Variants in HPCAL4 observed in about 807,000 individuals in gnomAD.
The protein encoded by HPCAL4 is hippocalcin like 4.
HPCAL4 carries 16 observed loss-of-function variants against 18.2 expected under a neutral mutation model. The observed-to-expected ratio is 0.88, with a 90% CI of 0.59 to 1.33. HPCAL4 has a LOEUF of 1.33. Among genes scored for constraint, HPCAL4 ranks in the 40% most tolerant of loss-of-function variants. HPCAL4 has a pLI of 0.00. For synonymous variants in HPCAL4, 80 were observed against 97.5 expected, an observed-to-expected ratio of 0.82 and a Z score of 1.06; for missense variants, 214 against 256.6, an observed-to-expected ratio of 0.83 and a Z score of 1.14.
intron 2 of HPCAL4, 75 bp from the exon 3 acceptor site, chr1:39,684,227 G>GCACCCCGGGTCCCTCGCCTCCTCC: frequency 9.2e-7 from 1 of 1,091,976 alleles, no homozygotes; most frequent in Non-Finnish European, 1.2e-6. Flanking sequence ...AACCTCCCCT[G>GCACCCCGGGTCCCTCGCCTCCTCC]CACCCCGGGT....
At position 39,685,015 on chromosome 1, in the gene HPCAL4, G is replaced by A. The variant is rs533568841; in HGVS notation, c.-8-404C>T. On this transcript the variant is annotated intron_variant, in intron 1 of 3. Transcript: ENST00000372844. ...AGAAGGGACCCAAGGTAGGTTCCTT[G>A]TGTGTCCCCTTGGCACTGTCTCCCA... Among the ~76,000 whole-genome samples the A allele has an allele frequency of 2.0e-5, 3 of 152,352 alleles. No individual in the cohort carries two copies. The South Asian group carries it at 6.2e-4, about 32-fold the overall frequency.
At position 39,684,107 on chromosome 1, in the gene HPCAL4, G is replaced by A. The variant is rs1490937368; in HGVS notation, c.208C>T (p.Arg70Cys). 6 of 1,613,778 alleles carry A rather than the reference G, an allele frequency of 3.7e-6. No homozygotes were observed. Among genetic ancestry groups the A allele is most frequent in the Non-Finnish European group, 4.2e-6 (5 of 1,179,882 alleles). ...CCGTCGCCGTTCTTGTCGAAGGTGC[G>A]GAAAGCGTGCTGCGCGAACTTGGAG... is the stretch of plus-strand genomic sequence containing the variant. ...DASKFAQHAFRTFDKNGDGTI... is the reference protein window; with the variant it reads ...DASKFAQHAFCTFDKNGDGTI... Residue 70 changes from arginine (R) to cysteine (C), a missense_variant, in exon 3 of 4, where the codon CGC becomes TGC. By Grantham distance (180) the Arg-to-Cys change is radical. Transcript: ENST00000372844.
rs114842120 is a variant in HPCAL4 at position 39,682,849 on chromosome 1, G to A, written c.379-116C>T. 6.6e-4 allele frequency: 473 copies of A among 718,240 alleles called. No individual in the cohort carries two copies. In the African/African-American group the frequency reaches 7.3e-3, roughly 11 times the overall value. 44.5% of individuals were successfully genotyped at this position (718,240 alleles called of 1,614,324 possible). ...TGGGGGTTGGTGAGGATACTGGAAGGTATATGTGGTCATTAAGACTGGATA... is the reference window on the plus strand; with the variant it reads ...TGGGGGTTGGTGAGGATACTGGAAGATATATGTGGTCATTAAGACTGGATA... On this transcript the variant is annotated intron_variant, in intron 3 of 3. Coordinates refer to ENST00000372844, the MANE Select transcript of HPCAL4 (RefSeq NM_016257.4).
At chr1:39,691,062 C>A (rs1330752609) in intron 1 of HPCAL4, 1 of 152,804 alleles carries the variant, frequency 6.5e-6, no homozygotes, top group Non-Finnish European at 1.5e-5. Flanking sequence ...TGGTTGTTCT[C>A]ACCTGAGCTG....
chr1:39,679,957 T>G lies in HPCAL4; in HGVS notation c.*2579A>C, dbSNP rs1363622020. 2.0e-5 allele frequency: 3 copies of G among 152,604 alleles called. No homozygotes were observed. The highest frequency in any genetic ancestry group is 4.4e-5 in the Non-Finnish European group (3 of 68,034). The allele number at this position is 152,604 out of a possible 1,614,324, so 9.5% of individuals were successfully genotyped here. ...TTCTCTTAGTGAAGATGATGGTGGG[T>G]AAAGACAATGCAGGATGCTTCGAGG... On this transcript the variant is annotated 3_prime_UTR_variant, in exon 4 of 4. Transcript: ENST00000372844.
Position 39,684,125 on chromosome 1 carries a change from A to C in HPCAL4, c.190T>G (p.Phe64Val). ...AAGGTGCGGAAAGCGTGCTGCGCGA[A>C]CTTGGAGGCGTCGCCGTAGGGGAAG... Reference protein sequence around the residue: ...KFFPYGDASKFAQHAFRTFDK... With the variant: ...KFFPYGDASKVAQHAFRTFDK... Residue 64 changes from phenylalanine (F) to valine (V), a missense_variant, in exon 3 of 4, where the codon TTC (phenylalanine) becomes GTC (valine). By Grantham distance (50) the Phe-to-Val change is conservative. Coordinates refer to ENST00000372844, the MANE Select transcript of HPCAL4 (RefSeq NM_016257.4). The C allele has an allele frequency of 1.2e-6, 2 of 1,613,674 alleles. No individual in the cohort carries two copies. The highest frequency in any genetic ancestry group is 1.7e-6 in the Non-Finnish European group (2 of 1,179,768).
At chr1:39,686,409 G>A (rs1646675789) in intron 1 of HPCAL4, among the ~76,000 whole-genome samples, 1 of 152,176 alleles carries the variant, frequency 6.6e-6, no homozygotes, top group African/African-American at 2.4e-5. Flanking sequence ...CCTTTGGTGG[G>A]GGCAGGTAGG....
intron 3 of HPCAL4, 62 bp from the exon 4 acceptor site, chr1:39,682,795 G>T: frequency 7.6e-7 from 1 of 1,313,892 alleles, no homozygotes; most frequent in Non-Finnish European, 1.1e-6. Flanking sequence ...AGCAGCGGGT[G>T]AAGGAAAGGG....
rs1032632743 is a variant in HPCAL4 at position 39,682,010 on chromosome 1, A to C, written c.*526T>G. 1 of 162,020 alleles carries C rather than the reference A, an allele frequency of 6.2e-6. No homozygotes were observed. Among genetic ancestry groups the C allele is most frequent in the Non-Finnish European group, 1.4e-5 (1 of 73,602 alleles). The allele number at this position is 162,020 out of a possible 1,614,324, so 10.0% of individuals were successfully genotyped here. A position where few individuals can be genotyped will look rare whatever the true frequency, so the allele number is the denominator to read the frequency against. ...AATGACCATATCCTTAGCACCAAAC[A>C]GGTGCTCAGTAATCATTAGCTGAAG... On this transcript the variant is annotated 3_prime_UTR_variant, in exon 4 of 4. Transcript: ENST00000372844.
chr1:39,685,310 A>C (rs1646663787), intron 1 of HPCAL4, among the ~76,000 whole-genome samples: 1 of 152,218 alleles, frequency 6.6e-6, no homozygotes, highest in Admixed American at 6.6e-5. Context: ...ATTGGAGGGA[A>C]CAGACGCTCC....
chr1:39,684,907 C>T (rs1477671906), intron 1 of HPCAL4, among the ~76,000 whole-genome samples: 2 of 152,208 alleles, frequency 1.3e-5, no homozygotes, highest in Non-Finnish European at 2.9e-5. Flanking sequence ...CCCCTGCCCA[C>T]AGACTAAGGC....
At position 39,682,432 on chromosome 1, in the gene HPCAL4, G is replaced by A. The variant is rs992330078; in HGVS notation, c.*104C>T. 2 of 1,050,850 alleles carry A rather than the reference G, an allele frequency of 1.9e-6. No homozygotes were observed. Among genetic ancestry groups the A allele is most frequent in the South Asian group, 1.4e-5 (1 of 70,822 alleles). The allele number at this position is 1,050,850 out of a possible 1,614,324, so 65.1% of individuals were successfully genotyped here. On this transcript the variant is annotated 3_prime_UTR_variant, in exon 4 of 4. Coordinates refer to ENST00000372844, the MANE Select transcript of HPCAL4 (RefSeq NM_016257.4). Reference sequence around the variant, plus strand: ...GGCAGAGGACTGGGTGGGCCAGAGAGGGGGGCTGGAGTGTCCCTCCTCCTG... The same window carrying A: ...GGCAGAGGACTGGGTGGGCCAGAGAAGGGGGCTGGAGTGTCCCTCCTCCTG...
intron 3 of HPCAL4, 142 bp downstream of exon 3, chr1:39,683,795 G>T: frequency 1.4e-6 from 1 of 723,674 alleles, no homozygotes; most frequent in Non-Finnish European, 2.3e-6. Context: ...ATTTAGCCCG[G>T]GCCTGTAGCG....
intron 1 of HPCAL4, among the ~76,000 whole-genome samples, chr1:39,689,837 A>G (rs1265939813): frequency 1.3e-5 from 2 of 150,060 alleles, no homozygotes; most frequent in Admixed American, 6.6e-5. Flanking sequence ...CCATGGTGAC[A>G]ATAGCTCCCT....
chr1:39,689,703 A>G (rs1646702999), intron 1 of HPCAL4, among the ~76,000 whole-genome samples: 1 of 152,154 alleles, frequency 6.6e-6, no homozygotes, highest in South Asian at 2.1e-4. Flanking sequence ...AGGTTTCTTC[A>G]AGAGGGCTAA....
At chr1:39,691,234 T>TGGAGGG (rs1646715817) in intron 1 of HPCAL4, 72 bp downstream of exon 1, 1 of 149,366 alleles carries the variant, frequency 6.7e-6, no homozygotes, top group Admixed American at 6.6e-5. Context: ...GAAGGGAGAG[T>TGGAGGG]GGAGGGGGAG....
Position 39,678,755 on chromosome 1 carries a change from T to G in HPCAL4, c.*3781A>C, listed in dbSNP as rs1057431844. ...AGTGCACAGCCAGAAGCAGCACATC[T>G]GGAGGGGATAGGGGGCTACACTGGA... On this transcript the variant is annotated 3_prime_UTR_variant, in exon 4 of 4. Coordinates refer to ENST00000372844, the MANE Select transcript of HPCAL4 (RefSeq NM_016257.4). The G allele has an allele frequency of 9.8e-5, 15 of 152,354 alleles. No individual in the cohort carries two copies. The highest frequency in any genetic ancestry group is 3.4e-4 in the African/African-American group (14 of 41,438). The allele number at this position is 152,354 out of a possible 1,614,324, so 9.4% of individuals were successfully genotyped here. A position where few individuals can be genotyped will look rare whatever the true frequency, so the allele number is the denominator to read the frequency against.
In HPCAL4 at chr1:39,682,479, T is replaced by C. The variant is rs2124184694; in HGVS notation, c.*57A>G. On this transcript the variant is annotated 3_prime_UTR_variant, in exon 4 of 4. Transcript: ENST00000372844. ...CCTGGGAGGCCAGCCAGAGAGGTCA[T>C]CAGGTTGGGAGGTGGCCATGCCCCT... is the stretch of plus-strand genomic sequence containing the variant. 1 of 1,563,374 alleles carries C rather than the reference T, an allele frequency of 6.4e-7. No homozygotes were observed.
chr1:39,684,626 G>A lies in HPCAL4; in HGVS notation c.-8-15C>T. The A allele has an allele frequency of 6.4e-7, 1 of 1,558,206 alleles. No individual in the cohort carries two copies. The highest frequency in any genetic ancestry group is 1.2e-5 in the South Asian group (1 of 82,110). ...CATGGCGGGGCCTGTGGGACAGAGG[G>A]ATTCCTCCGACTGGGTCCAGGGAAA... is the stretch of plus-strand genomic sequence containing the variant. On this transcript the variant is annotated splice_polypyrimidine_tract_variant and intron_variant, in intron 1 of 3. Coordinates refer to ENST00000372844, the MANE Select transcript of HPCAL4 (RefSeq NM_016257.4).
Sources: allele counts gnomAD v4.1 joint callset (sites outside exome capture counted in the v4.1 genomes callset), GRCh38; gene constraint gnomAD v4.1.1; transcripts MANE v1.5; gene names NCBI Gene and HGNC (gene_info 2026-07-23, HGNC 2026-07-21).